Variants in ABLIM1 observed in about 807,000 individuals in gnomAD.
ABLIM1 encodes actin-binding LIM protein 1.
ABLIM1 carries 40 observed loss-of-function variants against 107.0 expected under a neutral mutation model. The observed-to-expected ratio is 0.37, with a 90% CI of 0.29 to 0.49. The LOEUF (loss-of-function observed/expected upper bound fraction) is 0.49. Ranked by LOEUF, ABLIM1 falls within the 20% of genes least tolerant of loss-of-function variation. The pLI is 0.97. For missense variants in ABLIM1, 857 were observed against 1,008.5 expected, an observed-to-expected ratio of 0.85 and a Z score of 2.04; for synonymous variants, 357 against 357.3, an observed-to-expected ratio of 1.00 and a Z score of 0.01.
At chr10:114,776,704 A>ATTC in the ABLIM1 span, among the ~76,000 whole-genome samples, 1 of 152,146 alleles carries the variant, frequency 6.6e-6, no homozygotes, top group Non-Finnish European at 1.5e-5. Context: ...AGCTCACTGG[A>ATTC]ACTTCACTCT....
intron 1 of ABLIM1, among the ~76,000 whole-genome samples, chr10:114,714,741 A>G (rs1397852271): frequency 6.6e-6 from 1 of 152,262 alleles, no homozygotes; most frequent in Non-Finnish European, 1.5e-5. Flanking sequence ...AGATTATGGT[A>G]TATAAACTAC....
chr10:114,719,412 C>T (rs574300894), intron 1 of ABLIM1, among the ~76,000 whole-genome samples: 5 of 152,292 alleles, frequency 3.3e-5, no homozygotes, highest in African/African-American at 7.2e-5. Context: ...GTTTAAACAG[C>T]CACACAAAGG....
the ABLIM1 span, among the ~76,000 whole-genome samples, chr10:114,775,280 A>G: frequency 1.3e-5 from 2 of 152,180 alleles, no homozygotes; most frequent in African/African-American, 4.8e-5. Flanking sequence ...CGTGGGGATT[A>G]CAATTCGAGA....
chr10:114,681,877 C>T (rs2080764486), intron 1 of ABLIM1, among the ~76,000 whole-genome samples: 1 of 152,224 alleles, frequency 6.6e-6, no homozygotes. Flanking sequence ...ATGTCATGCT[C>T]TGATTGACCC....
At chr10:114,544,791 T>A (rs1485315106) in intron 6 of ABLIM1, among the ~76,000 whole-genome samples, 2 of 152,200 alleles carry the variant, frequency 1.3e-5, no homozygotes, top group Non-Finnish European at 2.9e-5. Flanking sequence ...ATTCTTTTTT[T>A]TTTCCTGTGC....
At chr10:114,631,417 C>A (rs568566233) in intron 1 of ABLIM1, among the ~76,000 whole-genome samples, 31 of 152,118 alleles carry the variant, frequency 2.0e-4, no homozygotes, top group African/African-American at 6.8e-4. Flanking sequence ...ACACGCAGAG[C>A]ACCTGAAGCC....
At chr10:114,639,972 C>T (rs2078664672) in intron 1 of ABLIM1, among the ~76,000 whole-genome samples, 1 of 152,170 alleles carries the variant, frequency 6.6e-6, no homozygotes, top group South Asian at 2.1e-4. Flanking sequence ...ACATTCCACT[C>T]AAACCAGGAT....
rs369877060 is a variant in ABLIM1 at position 114,468,233 on chromosome 10, G to T, written c.1276-17C>A. 6.1e-5 allele frequency: 98 copies of T among 1,610,178 alleles called. No homozygotes were observed. In the African/African-American group the frequency reaches 1.2e-3, roughly 20 times the overall value. ...CCTCGGAGACTAGAAAAATAAAAGA[G>T]AATTTAAAGTCACAATGTTTGTTAA... On this transcript the variant is annotated splice_polypyrimidine_tract_variant and intron_variant, in intron 10 of 22. Coordinates refer to ENST00000533213, the MANE Select transcript of ABLIM1 (RefSeq NM_002313.7).
the ABLIM1 span, among the ~76,000 whole-genome samples, chr10:114,781,347 T>C: frequency 6.6e-6 from 1 of 151,458 alleles, no homozygotes; most frequent in African/African-American, 2.4e-5. Context: ...CTACCAAAAA[T>C]ACAAAAATTA....
chr10:114,765,313 A>G (rs1200660256), intron 1 of ABLIM1, among the ~76,000 whole-genome samples: 2 of 151,974 alleles, frequency 1.3e-5, no homozygotes, highest in Non-Finnish European at 2.9e-5. Flanking sequence ...CCAAAGTGAC[A>G]GGATTACATA....
chr10:114,784,691 A>G, the ABLIM1 span, among the ~76,000 whole-genome samples: 12 of 34,240 alleles, frequency 3.5e-4, no homozygotes, highest in African/African-American at 6.4e-4. Context: ...AAAGAAAAAG[A>G]AAAAAAAAAA....
At chr10:114,528,577 T>C (rs2065118469) in intron 6 of ABLIM1, among the ~76,000 whole-genome samples, 1 of 152,110 alleles carries the variant, frequency 6.6e-6, no homozygotes, top group South Asian at 2.1e-4. Flanking sequence ...ACCACACCCT[T>C]ATAGGGCCAG....
In ABLIM1 at chr10:114,601,862, G is replaced by C; in HGVS notation, c.344C>G (p.Thr115Ser). The C allele has an allele frequency of 6.2e-7, 1 of 1,614,162 alleles. No individual in the cohort carries two copies. The change falls in exon 2 of 23, where the codon ACC (threonine) becomes AGC (serine). Residue 115 changes from threonine to serine, a missense_variant. By Grantham distance (58) the Thr-to-Ser change is moderately conservative (BLOSUM62 1). Coordinates refer to ENST00000533213, the MANE Select transcript of ABLIM1 (RefSeq NM_002313.7). ...PCKGEVLRVQ[T>S]KHFHIKCFTC... ...GAAACACTTGATGTGGAAATGTTTG[G>C]TCTGGACCCGAAGCACTTCACCCTT...
intron 1 of ABLIM1, among the ~76,000 whole-genome samples, chr10:114,733,054 C>T (rs2082108502): frequency 6.6e-6 from 1 of 151,974 alleles, no homozygotes; most frequent in Non-Finnish European, 1.5e-5. Flanking sequence ...AAAAGTGGCT[C>T]AATTATGTTG....
rs138173870 is a variant in ABLIM1 at position 114,738,901 on chromosome 10, T to C, written c.-213+29160A>G. Among the ~76,000 whole-genome samples, 457 of 152,306 alleles carry C rather than the reference T, an allele frequency of 3.0e-3. 2 individuals are homozygous for C. The highest frequency in any genetic ancestry group is 0.011 in the African/African-American group (452 of 41,562). On this transcript the variant is annotated intron_variant, in intron 1 of 15. Transcript: ENST00000651092. ...TATTTAAGACAAATAAGGGAAATGA[T>C]TCCCTTCAAATGATAGCACAATTAA...
At chr10:114,592,853 TGAA>T (rs1418984504) in intron 2 of ABLIM1, among the ~76,000 whole-genome samples, 1 of 152,088 alleles carries the variant, frequency 6.6e-6, no homozygotes, top group Non-Finnish European at 1.5e-5. Context: ...ATTAGAAGGC[TGAA>T]GAAGAAGGTT....
At chr10:114,601,756 G>C (rs760891495) in intron 2 of ABLIM1, 71 bp downstream of exon 2, 1 of 1,608,410 alleles carries the variant, frequency 6.2e-7, no homozygotes, top group African/African-American at 1.3e-5. Flanking sequence ...TGGAGTTAAG[G>C]GGATGGGCTG....
intron 1 of ABLIM1, among the ~76,000 whole-genome samples, chr10:114,734,483 T>C (rs2082138719): frequency 1.3e-5 from 2 of 151,074 alleles, no homozygotes; most frequent in Non-Finnish European, 2.9e-5. Context: ...TCCCAGACAA[T>C]TCTTCAACAC....
chr10:114,751,940 C>T (rs1340179666), intron 1 of ABLIM1, among the ~76,000 whole-genome samples: 1 of 152,066 alleles, frequency 6.6e-6, no homozygotes, highest in Non-Finnish European at 1.5e-5. Flanking sequence ...ATCAGGAGTG[C>T]ATTTAATCAC....
Sources: gnomAD v4.1 joint callset for allele counts (sites outside exome capture counted in the v4.1 genomes callset) on GRCh38, gnomAD v4.1.1 for gene constraint, MANE v1.5 for transcripts, NCBI Gene and HGNC (gene_info 2026-07-23, HGNC 2026-07-21) for gene names.